The following POLR1F variants were observed in gnomAD, a reference collection of about 807,000 sequenced individuals.
The protein encoded by POLR1F is DNA-directed RNA polymerase I subunit RPA43.
Under a neutral mutation model 21.8 loss-of-function variants are expected in POLR1F, and 23 were observed. That is an observed-to-expected ratio of 1.05 (90% CI 0.76 to 1.49). The LOEUF is 1.49. POLR1F is among the 40% of genes most tolerant of loss of function. The pLI is 0.00. For missense variants in POLR1F, 435 were observed against 412.1 expected (o/e 1.06, Z -0.48); for synonymous variants, 162 against 152.8 (o/e 1.06, Z -0.45).
At chr7:19,705,972 T>C (rs1221080660) in intron 1 of POLR1F, among the ~76,000 whole-genome samples, 3 of 152,218 alleles carry the variant, frequency 2.0e-5, no homozygotes, top group Non-Finnish European at 4.4e-5. Context: ...TCTACTCCTA[T>C]AGGCCAACTT....
intron 2 of POLR1F, among the ~76,000 whole-genome samples, chr7:19,703,358 T>C (rs1454931454): frequency 3.3e-5 from 5 of 152,176 alleles, no homozygotes; most frequent in Non-Finnish European, 5.9e-5. Context: ...TCTAAGGAGA[T>C]GGAATGGTAT....
At chr7:19,701,335 G>A (rs1422809691) in intron 2 of POLR1F, among the ~76,000 whole-genome samples, 2 of 152,090 alleles carry the variant, frequency 1.3e-5, no homozygotes, top group Non-Finnish European at 2.9e-5. Flanking sequence ...GCAAAACTAC[G>A]GAAACAGTAA....
In POLR1F at chr7:19,708,744, C is replaced by G. The variant is rs1385066292; in HGVS notation, c.254+19G>C. 5 of 1,591,718 alleles carry G rather than the reference C, an allele frequency of 3.1e-6. No homozygotes were observed. The highest frequency in any genetic ancestry group is 2.7e-5 in the African/African-American group (2 of 74,550). ...TACTTCCCGTGCACAAAAGAAGGAA[C>G]AGGCAAAGAGATCGGTACCTCTCAG... On this transcript the variant is annotated intron_variant, in intron 1 of 3. Transcript: ENST00000222567.
At position 19,698,195 on chromosome 7, in the gene POLR1F, G is replaced by T; in HGVS notation, c.*121C>A. 2 of 870,924 alleles carry T rather than the reference G, an allele frequency of 2.3e-6. No homozygotes were observed. The highest frequency in any genetic ancestry group is 3.2e-6 in the Non-Finnish European group (2 of 623,908). 53.9% of individuals were successfully genotyped at this position (870,924 alleles called of 1,614,324 possible). A position where few individuals can be genotyped will look rare whatever the true frequency, so the allele number is the denominator to read the frequency against. The stretch of plus-strand genomic sequence containing the variant: ...TAGCATATAAAGCCTCCTACTCCTA[G>T]TTAAGTATTTTCTGTTTTGTAAACT... On this transcript the variant is annotated 3_prime_UTR_variant, in exon 4 of 4. Coordinates refer to ENST00000222567, the MANE Select transcript of POLR1F (RefSeq NM_001002926.2).
chr7:19,699,883 G>T (rs1287651534), intron 3 of POLR1F, among the ~76,000 whole-genome samples, 189 bp downstream of exon 3: 1 of 152,080 alleles, frequency 6.6e-6, no homozygotes, highest in Non-Finnish European at 1.5e-5. Context: ...ATATTTATTT[G>T]ATGCACTGTT....
chr7:19,708,762 C>T lies in POLR1F; in HGVS notation c.254+1G>A. On this transcript the variant is annotated splice_donor_variant, in intron 1 of 3. Coordinates refer to ENST00000222567, the MANE Select transcript of POLR1F (RefSeq NM_001002926.2). LOFTEE classifies it high-confidence loss of function. ...GAAGGAACAGGCAAAGAGATCGGTA[C>T]CTCTCAGAATAGCGAAGGAGCTCCG... The T allele has an allele frequency of 6.2e-7, 1 of 1,607,428 alleles. No individual in the cohort carries two copies. Among genetic ancestry groups the T allele is most frequent in the Non-Finnish European group, 8.5e-7 (1 of 1,174,452 alleles).
rs771387643 is a variant in POLR1F at position 19,698,529 on chromosome 7, A to G, written c.804T>C (p.Asn268=). ...ESALQNTNNA[N]GIWEEEPKKK... is the part of the protein sequence containing the mutation. ...TCTTTGGCTCCTCCTCCCAGATGCCATTCGCATTATTAGTATTCTGCAGGG... is the reference window on the plus strand; with the variant it reads ...TCTTTGGCTCCTCCTCCCAGATGCCGTTCGCATTATTAGTATTCTGCAGGG... Residue 268 remains asparagine, a synonymous_variant, in exon 4 of 4, where the codon AAT becomes AAC. Transcript: ENST00000222567. The G allele has an allele frequency of 1.9e-6, 3 of 1,605,232 alleles. No individual in the cohort carries two copies. The highest frequency in any genetic ancestry group is 1.1e-5 in the South Asian group (1 of 88,772).
In POLR1F at chr7:19,698,224, G is replaced by A. The variant is rs2128005890; in HGVS notation, c.*92C>T. ...AGTATTTTCTGTTTTGTAAACTACT[G>A]GCATACTTAACCTTTTCATATCACT... On this transcript the variant is annotated 3_prime_UTR_variant, in exon 4 of 4. Transcript: ENST00000222567. 3.4e-6 allele frequency: 4 copies of A among 1,188,362 alleles called. No homozygotes were observed. The highest frequency in any genetic ancestry group is 2.4e-5 in the South Asian group (1 of 42,482). The allele number at this position is 1,188,362 out of a possible 1,614,324, so 73.6% of individuals were successfully genotyped here. A position where few individuals can be genotyped will look rare whatever the true frequency, so the allele number is the denominator to read the frequency against.
chr7:19,698,301 C>A lies in POLR1F; in HGVS notation c.*15G>T. On this transcript the variant is annotated 3_prime_UTR_variant, in exon 4 of 4. Transcript: ENST00000222567. ...TAGATCGATCTTTTAAAAACTGAAT[C>A]GTGTTTAAAATACACTAAAGAAAAT... The A allele has an allele frequency of 6.5e-7, 1 of 1,530,982 alleles. No individual in the cohort carries two copies. The allele number at this position is 1,530,982 out of a possible 1,614,324, so 94.8% of individuals were successfully genotyped here.
chr7:19,700,441 C>G, intron 2 of POLR1F, 161 bp from the exon 3 acceptor site: 1 of 602,586 alleles, frequency 1.7e-6, no homozygotes, highest in Non-Finnish European at 2.9e-6. Context: ...AAACTTACCA[C>G]ATGTCATGCC....
rs927773407 is a variant in POLR1F at position 19,698,677 on chromosome 7, G to A, written c.656C>T (p.Thr219Ile). 3 of 1,574,304 alleles carry A rather than the reference G, an allele frequency of 1.9e-6. No individual in the cohort carries two copies. The African/African-American group carries it at 4.1e-5, about 22-fold the overall frequency. Residue 219 changes from threonine (T) to isoleucine (I), a missense_variant, in exon 4 of 4, where the codon ACT (threonine) becomes ATT (isoleucine). Physicochemically the swap from Thr to Ile is moderately conservative, Grantham distance 89. Transcript: ENST00000222567. ...EVSEEVTENG[T>I]EEAAKKPKKK... The stretch of plus-strand genomic sequence containing the variant: ...TTTAGGTTTTTTAGCAGCTTCCTCA[G>A]TGCCATTTTCTGTAACTTCTTCAGA...
chr7:19,699,425 G>T (rs1269544372), intron 3 of POLR1F, among the ~76,000 whole-genome samples: 1 of 152,096 alleles, frequency 6.6e-6, no homozygotes, highest in African/African-American at 2.4e-5. Flanking sequence ...CAATAGTGAG[G>T]CTGCTGTACT....
At chr7:19,703,130 A>T (rs996721977) in intron 2 of POLR1F, among the ~76,000 whole-genome samples, 2 of 152,222 alleles carry the variant, frequency 1.3e-5, no homozygotes, top group African/African-American at 4.8e-5. Context: ...GAATACCATG[A>T]GCAATAAAAA....
rs1429196933 is a variant in POLR1F at position 19,697,942 on chromosome 7, C to T, written c.*374G>A. 2 of 160,086 alleles carry T rather than the reference C, an allele frequency of 1.2e-5. No individual in the cohort carries two copies. Among genetic ancestry groups the T allele is most frequent in the South Asian group, 2.0e-4 (1 of 4,904 alleles). 9.9% of individuals were successfully genotyped at this position (160,086 alleles called of 1,614,324 possible). Reference sequence around the variant, plus strand: ...TAAGGTGAAGCCTATTAAACACACACAAAATCAAATCATCAAAATCTCAAA... The same window carrying T: ...TAAGGTGAAGCCTATTAAACACACATAAAATCAAATCATCAAAATCTCAAA... On this transcript the variant is annotated 3_prime_UTR_variant, in exon 4 of 4. Coordinates refer to ENST00000222567, the MANE Select transcript of POLR1F (RefSeq NM_001002926.2).
chr7:19,705,938 C>A (rs1198581379), intron 1 of POLR1F, among the ~76,000 whole-genome samples: 11 of 152,148 alleles, frequency 7.2e-5, no homozygotes, highest in South Asian at 2.1e-4. Context: ...CCCTGACTCC[C>A]CCAGGCAAAG....
chr7:19,708,074 G>C (rs1051860076), intron 1 of POLR1F, among the ~76,000 whole-genome samples: 2 of 151,964 alleles, frequency 1.3e-5, no homozygotes, highest in Non-Finnish European at 2.9e-5. Context: ...GTAATTCTAA[G>C]TTTTCAAGTC....
chr7:19,708,654 T>G, intron 1 of POLR1F, 109 bp downstream of exon 1: 1 of 1,463,540 alleles, frequency 6.8e-7, no homozygotes, highest in Non-Finnish European at 9.3e-7. Context: ...GGCTAAGCTC[T>G]GGGGGGCAAT....
Position 19,697,090 on chromosome 7 carries a change from T to C in POLR1F, c.*1226A>G, listed in dbSNP as rs879690991. 2.0e-5 allele frequency: 3 copies of C among 152,144 alleles called. No individual in the cohort carries two copies. Among genetic ancestry groups the C allele is most frequent in the Admixed American group, 2.0e-4 (3 of 15,276 alleles). 9.4% of individuals were successfully genotyped at this position (152,144 alleles called of 1,614,324 possible). A position where few individuals can be genotyped will look rare whatever the true frequency, so the allele number is the denominator to read the frequency against. ...ATTAAGCTGTGAGACCAGCACTATG[T>C]CTGGTACTAAATAAATGGCAACAAA... On this transcript the variant is annotated 3_prime_UTR_variant, in exon 4 of 4. Transcript: ENST00000222567.
intron 1 of POLR1F, chr7:19,705,367 C>T (rs1052541388): frequency 6.4e-6 from 1 of 155,130 alleles, no homozygotes; most frequent in African/African-American, 2.4e-5. Context: ...GGCCAAGTCC[C>T]ATTCTTTCTA....
Sources: gnomAD v4.1 joint callset for allele counts (sites outside exome capture counted in the v4.1 genomes callset) on GRCh38, gnomAD v4.1.1 for gene constraint, MANE v1.5 for transcripts, NCBI Gene and HGNC (gene_info 2026-07-23, HGNC 2026-07-21) for gene names.